LDB2: variants seen among roughly 807,000 people sequenced by gnomAD.
LDB2 encodes LIM domain-binding protein 2.
In LDB2, 12 loss-of-function variants were observed where a neutral mutation model predicts 44.3. The ratio of observed to expected loss-of-function variants is 0.27; its 90% CI spans 0.17 to 0.44. LDB2 has a LOEUF of 0.44. LDB2 is among the 20% of genes least tolerant of loss of function. LDB2 has a pLI of 1.00. For synonymous variants in LDB2, 164 were observed against 174.8 expected, an observed-to-expected ratio of 0.94 and a Z score of 0.49; for missense variants, 344 against 473.5, an observed-to-expected ratio of 0.73 and a Z score of 2.54.
intron 2 of LDB2, among the ~76,000 whole-genome samples, chr4:16,751,097 A>G (rs1480663235): frequency 6.6e-6 from 1 of 152,214 alleles, no homozygotes; most frequent in Non-Finnish European, 1.5e-5. Flanking sequence ...GGCAAAGAGC[A>G]CATAATGTCC....
chr4:16,633,722 A>C (rs147389613), intron 2 of LDB2, among the ~76,000 whole-genome samples: 2,188 of 152,286 alleles, frequency 0.014, 31 homozygotes, highest in South Asian at 0.046. Flanking sequence ...TATCCCCATC[A>C]AACTACCACT....
At chr4:16,668,544 G>A (rs1041583014) in intron 2 of LDB2, among the ~76,000 whole-genome samples, 1 of 152,016 alleles carries the variant, frequency 6.6e-6, no homozygotes, top group Non-Finnish European at 1.5e-5. Flanking sequence ...ACTACACTTT[G>A]GTTTTCTAAC....
At chr4:16,505,965 C>G (rs773860546) in intron 7 of LDB2, 6 of 1,551,544 alleles carry the variant, frequency 3.9e-6, no homozygotes, top group South Asian at 1.2e-5. Flanking sequence ...GGCTGCAGTT[C>G]GGGATCGCTC....
intron 2 of LDB2, 109 bp from the exon 3 acceptor site, chr4:16,595,984 A>G: frequency 8.8e-7 from 1 of 1,134,520 alleles, no homozygotes; most frequent in Non-Finnish European, 1.2e-6. Flanking sequence ...TCATCTCAAG[A>G]AACCATACCA....
intron 5 of LDB2, among the ~76,000 whole-genome samples, chr4:16,536,299 C>T (rs1013786504): frequency 6.6e-6 from 1 of 152,160 alleles, no homozygotes; most frequent in African/African-American, 2.4e-5. Flanking sequence ...AGATGAGTAG[C>T]TAGGAAAGAG....
intron 2 of LDB2, among the ~76,000 whole-genome samples, chr4:16,643,576 T>C (rs1304095897): frequency 2.0e-5 from 3 of 152,198 alleles, no homozygotes; most frequent in Admixed American, 2.0e-4. Flanking sequence ...CAAATTATTC[T>C]CAAAATAAAT....
chr4:16,823,638 C>CCATACCTTTGAA (rs1195490451), intron 1 of LDB2, among the ~76,000 whole-genome samples: 3 of 152,124 alleles, frequency 2.0e-5, no homozygotes, highest in African/African-American at 7.2e-5. Flanking sequence ...TACCTCTCTG[C>CCATACCTTTGAA]CTGAGGTTCC....
chr4:16,750,426 G>C (rs1042591471), intron 2 of LDB2, among the ~76,000 whole-genome samples: 1 of 152,218 alleles, frequency 6.6e-6, no homozygotes, highest in African/African-American at 2.4e-5. Flanking sequence ...GCAGACTTTG[G>C]ACTTAAATTC....
chr4:16,600,934 CAGA>C (rs377353645), intron 2 of LDB2, among the ~76,000 whole-genome samples: 3 of 152,006 alleles, frequency 2.0e-5, no homozygotes, highest in Admixed American at 6.6e-5. Context: ...CTCCCCAAAG[CAGA>C]AGGTCTGCCT....
intron 5 of LDB2, among the ~76,000 whole-genome samples, chr4:16,526,635 G>A (rs1025731304): frequency 6.6e-6 from 1 of 152,222 alleles, no homozygotes; most frequent in Non-Finnish European, 1.5e-5. Context: ...GGATTCAGAA[G>A]GTAGAATCAG....
At chr4:16,586,863 A>T (rs180735867) in intron 4 of LDB2, among the ~76,000 whole-genome samples, 15 of 152,324 alleles carry the variant, frequency 9.8e-5, no homozygotes, top group African/African-American at 3.6e-4. Context: ...AGGGAGATGG[A>T]TGTAAACATC....
intron 1 of LDB2, among the ~76,000 whole-genome samples, chr4:16,848,739 A>G (rs1787589847): frequency 6.6e-6 from 1 of 152,196 alleles, no homozygotes; most frequent in African/African-American, 2.4e-5. Context: ...AAATATTTTA[A>G]TCTTCTGTTT....
At chr4:16,551,862 G>A (rs1470560180) in intron 5 of LDB2, among the ~76,000 whole-genome samples, 1 of 152,120 alleles carries the variant, frequency 6.6e-6, no homozygotes, top group Non-Finnish European at 1.5e-5. Flanking sequence ...GAAATATTTT[G>A]AGGGAACACA....
chr4:16,624,913 GT>G (rs1311752607), intron 2 of LDB2, among the ~76,000 whole-genome samples: 1 of 152,170 alleles, frequency 6.6e-6, no homozygotes, highest in Non-Finnish European at 1.5e-5. Flanking sequence ...GTTTAGGATG[GT>G]TAAAATACTC....
Position 16,652,891 on chromosome 4 carries a change from G to A in LDB2, c.236-57016C>T, listed in dbSNP as rs576941667. ...GAACACTCAGGAGGAGCTATTAGCA[G>A]TCACTTGTTTCAGTAAACACTGAAT... On this transcript the variant is annotated intron_variant, in intron 2 of 7. Coordinates refer to ENST00000304523, the MANE Select transcript of LDB2 (RefSeq NM_001290.5). Among the ~76,000 whole-genome samples, 6 of 152,244 alleles carry A rather than the reference G, an allele frequency of 3.9e-5. No individual in the cohort carries two copies. The South Asian group carries it at 8.3e-4, about 21-fold the overall frequency.
chr4:16,764,364 A>G (rs1472811311), intron 1 of LDB2, among the ~76,000 whole-genome samples: 1 of 152,100 alleles, frequency 6.6e-6, no homozygotes, highest in African/African-American at 2.4e-5. Context: ...TGTAGAAGTA[A>G]TGTGGATAAT....
At chr4:16,705,946 C>T (rs1019119282) in intron 2 of LDB2, among the ~76,000 whole-genome samples, 1 of 152,162 alleles carries the variant, frequency 6.6e-6, no homozygotes, top group African/African-American at 2.4e-5. Flanking sequence ...TCACTTTTCT[C>T]AGTCACTATA....
At chr4:16,736,914 T>C (rs1762017361) in intron 2 of LDB2, among the ~76,000 whole-genome samples, 1 of 152,148 alleles carries the variant, frequency 6.6e-6, no homozygotes, top group East Asian at 1.9e-4. Context: ...AGGTATTAGT[T>C]CTGATTAAAT....
At chr4:16,531,739 G>A (rs1205376598) in intron 5 of LDB2, among the ~76,000 whole-genome samples, 1 of 152,164 alleles carries the variant, frequency 6.6e-6, no homozygotes, top group African/African-American at 2.4e-5. Context: ...GTGCTGGCAT[G>A]GCTAAATAGA....
Sources: allele counts gnomAD v4.1 joint callset (sites outside exome capture counted in the v4.1 genomes callset), GRCh38; gene constraint gnomAD v4.1.1; transcripts MANE v1.5; gene names NCBI Gene and HGNC (gene_info 2026-07-23, HGNC 2026-07-21).